Variants in PCDH15 observed in about 807,000 individuals in gnomAD.
PCDH15 encodes the protein protocadherin related 15.
PCDH15 carries 129 observed loss-of-function variants against 178.5 expected under a neutral mutation model. The observed-to-expected ratio is 0.72, with a 90% CI of 0.63 to 0.84. PCDH15 has a LOEUF of 0.84. Among genes scored for constraint, PCDH15 ranks in the 40% least tolerant of loss-of-function variants. The pLI, the probability that PCDH15 is intolerant of heterozygous loss-of-function variation, is 0.00. For missense variants in PCDH15, 2,230 were observed against 2,099.9 expected, an observed-to-expected ratio of 1.06 and a Z score of -1.21; for synonymous variants, 800 against 732.0, an observed-to-expected ratio of 1.09 and a Z score of -1.50.
At chr10:54,535,111 A>G (rs2084333248) in intron 2 of PCDH15, among the ~76,000 whole-genome samples, 2 of 152,336 alleles carry the variant, frequency 1.3e-5, no homozygotes, top group Middle Eastern at 3.4e-3. Context: ...TGCAGATTTC[A>G]GATTTCACCA....
chr10:55,409,512 G>A lies in PCDH15; in HGVS notation c.-156+218113C>T, dbSNP rs538576619. On this transcript the variant is annotated intron_variant, in intron 2 of 5. Transcript: ENST00000613346. ...CTTCAGTGGGCTTTTTTGTTTGTTT[G>A]TTTCCCTGATTCTCCTCTATTCAAC... is the stretch of plus-strand genomic sequence containing the variant. 1.5e-3 allele frequency among the ~76,000 whole-genome samples: 235 copies of A among 152,020 alleles called. 1 individual carries two copies. Among genetic ancestry groups the A allele is most frequent in the African/African-American group, 5.2e-3 (215 of 41,492 alleles).
intron 2 of PCDH15, among the ~76,000 whole-genome samples, chr10:55,341,805 A>ATTTT (rs869187882): frequency 2.7e-3 from 44 of 16,290 alleles, no homozygotes; most frequent in African/African-American, 3.5e-3. Flanking sequence ...ATATATATAT[A>ATTTT]TTTTTTTTTT....
intron 1 of PCDH15, among the ~76,000 whole-genome samples, chr10:54,779,432 A>G (rs1289017402): frequency 9.5e-6 from 1 of 105,380 alleles, no homozygotes; most frequent in African/African-American, 3.2e-5. Flanking sequence ...ACACACACAT[A>G]TGTGTATATA....
chr10:54,880,566 A>G (rs1954244454), intron 3 of PCDH15, among the ~76,000 whole-genome samples: 1 of 151,942 alleles, frequency 6.6e-6, no homozygotes, highest in African/African-American at 2.4e-5. Context: ...AAAGCAGTAA[A>G]GTGTAGGAAA....
At chr10:54,640,744 GA>G (rs558100527) in intron 2 of PCDH15, among the ~76,000 whole-genome samples, 1,584 of 147,832 alleles carry the variant, frequency 0.011, 12 homozygotes, top group Non-Finnish European at 0.016. Flanking sequence ...ATTAGAAAAA[GA>G]AAAAAAAAAT....
At chr10:55,043,168 AT>A (rs560475729) in intron 2 of PCDH15, among the ~76,000 whole-genome samples, 1 of 151,686 alleles carries the variant, frequency 6.6e-6, no homozygotes, top group East Asian at 1.9e-4. Context: ...AGGGAAGTAG[AT>A]TTTTTTTCTA....
chr10:55,135,304 A>G (rs1442811266), intron 2 of PCDH15, among the ~76,000 whole-genome samples: 1 of 151,880 alleles, frequency 6.6e-6, no homozygotes, highest in Admixed American at 6.6e-5. Flanking sequence ...AAGCCCCACC[A>G]CTCCATCTTC....
chr10:53,979,984 C>T (rs1293406480), intron 21 of PCDH15, among the ~76,000 whole-genome samples: 6 of 152,106 alleles, frequency 3.9e-5, no homozygotes, highest in South Asian at 2.1e-4. Context: ...TTCGGGAGGC[C>T]GAGGTGTGTG....
chr10:55,224,123 C>T lies in PCDH15; in HGVS notation c.-155-57472G>A, dbSNP rs918652182. Among the ~76,000 whole-genome samples the T allele has an allele frequency of 3.9e-5, 6 of 152,170 alleles. No individual in the cohort carries two copies. In the South Asian group the frequency reaches 1.0e-3, roughly 26 times the overall value. ...GGCTGAGGCAAGGAGATCATTTGAG[C>T]CCAGGTTGTGGAGCTTGCAGTGAGC... On this transcript the variant is annotated intron_variant, in intron 1 of 5. Coordinates refer to the PCDH15 transcript ENST00000458638.
At chr10:54,811,006 C>A (rs1367615027) in intron 3 of PCDH15, among the ~76,000 whole-genome samples, 1 of 151,986 alleles carries the variant, frequency 6.6e-6, no homozygotes, top group African/African-American at 2.4e-5. Context: ...TGTAGAAATT[C>A]ATAAGTGGAG....
chr10:54,867,225 A>C (rs1953958110), intron 3 of PCDH15, among the ~76,000 whole-genome samples: 1 of 152,110 alleles, frequency 6.6e-6, no homozygotes, highest in Admixed American at 6.6e-5. Flanking sequence ...TCCGTGGTAT[A>C]GTGTTGTGCA....
intron 20 of PCDH15, among the ~76,000 whole-genome samples, chr10:54,000,876 A>G (rs1040437349): frequency 4.6e-5 from 7 of 152,186 alleles, no homozygotes; most frequent in Non-Finnish European, 8.8e-5. Flanking sequence ...AAAGAACACT[A>G]GCTCAAGTTA....
chr10:53,845,135 T>C (rs904894133), intron 28 of PCDH15, among the ~76,000 whole-genome samples: 1 of 151,878 alleles, frequency 6.6e-6, no homozygotes, highest in Non-Finnish European at 1.5e-5. Context: ...ACATCACTAA[T>C]CATCAAGGCA....
At chr10:54,781,206 T>G (rs1360896403) in intron 1 of PCDH15, among the ~76,000 whole-genome samples, 2 of 152,132 alleles carry the variant, frequency 1.3e-5, no homozygotes, top group Non-Finnish European at 1.5e-5. Flanking sequence ...GGGGTACATA[T>G]GCAGGACGTG....
At chr10:54,970,004 G>A (rs554727407) in intron 2 of PCDH15, among the ~76,000 whole-genome samples, 1 of 152,260 alleles carries the variant, frequency 6.6e-6, no homozygotes, top group African/African-American at 2.4e-5. Context: ...AATTCATGCT[G>A]AAATGTAATC....
chr10:53,945,864 T>TATATATATAC (rs2086519606), intron 23 of PCDH15, among the ~76,000 whole-genome samples: 1 of 140,304 alleles, frequency 7.1e-6, no homozygotes, highest in African/African-American at 2.7e-5. Context: ...TATATATATA[T>TATATATATAC]ATATATATAT....
At chr10:54,642,063 C>T (rs754597297) in intron 2 of PCDH15, among the ~76,000 whole-genome samples, 1 of 151,050 alleles carries the variant, frequency 6.6e-6, no homozygotes, top group Non-Finnish European at 1.5e-5. Flanking sequence ...TAAAATATAA[C>T]CCCCCAACGT....
intron 2 of PCDH15, among the ~76,000 whole-genome samples, chr10:55,154,310 A>C (rs1838823576): frequency 6.6e-6 from 1 of 152,196 alleles, no homozygotes; most frequent in Admixed American, 6.6e-5. Flanking sequence ...TTAAAAAATG[A>C]ATTTGTAAAA....
chr10:54,369,374 GT>G, intron 4 of PCDH15, 99 bp from the exon 5 acceptor site: 1 of 1,069,434 alleles, frequency 9.4e-7, no homozygotes, highest in Non-Finnish European at 1.4e-6. Context: ...TTCTATTCTT[GT>G]TTATTTTTAA....
Sources: gnomAD v4.1 joint callset for allele counts (sites outside exome capture counted in the v4.1 genomes callset) on GRCh38, gnomAD v4.1.1 for gene constraint, MANE v1.5 for transcripts, NCBI Gene and HGNC (gene_info 2026-07-23, HGNC 2026-07-21) for gene names.